The following AGBL4 variants were observed in gnomAD, a reference collection of about 807,000 sequenced individuals.
AGBL4 encodes AGBL carboxypeptidase 4.
In AGBL4, 58 loss-of-function variants were observed where a neutral mutation model predicts 66.4. The observed-to-expected ratio is 0.87, with a 90% CI of 0.71 to 1.09. AGBL4 has a LOEUF of 1.09. Ranked by LOEUF, AGBL4 falls within the 50% of genes least tolerant of loss-of-function variation. AGBL4 has a pLI of 0.00. For synonymous variants in AGBL4, 234 were observed against 222.9 expected (o/e 1.05, Z -0.44); for missense variants, 579 against 631.0 (o/e 0.92, Z 0.88).
intron 1 of AGBL4, among the ~76,000 whole-genome samples, chr1:50,018,368 AT>A (rs1662151098): frequency 6.6e-6 from 1 of 152,182 alleles, no homozygotes; most frequent in African/African-American, 2.4e-5. Flanking sequence ...AGATTAGCAT[AT>A]TCCAATATGG....
At chr1:49,134,474 G>GCC (rs1557669378) in intron 4 of AGBL4, among the ~76,000 whole-genome samples, 1 of 16,952 alleles carries the variant, frequency 5.9e-5, no homozygotes, top group African/African-American at 3.0e-4. Context: ...CATTTTGGAG[G>GCC]GCCCCCCCCC....
At chr1:49,305,467 C>G (rs1047324611) in intron 3 of AGBL4, among the ~76,000 whole-genome samples, 1 of 152,090 alleles carries the variant, frequency 6.6e-6, no homozygotes, top group Non-Finnish European at 1.5e-5. Context: ...ACTGTATTTT[C>G]TATCCATGTT....
intron 4 of AGBL4, among the ~76,000 whole-genome samples, chr1:49,152,506 C>A (rs912239824): frequency 6.6e-6 from 1 of 152,158 alleles, no homozygotes; most frequent in African/African-American, 2.4e-5. Flanking sequence ...GGAAAGATGA[C>A]CCTGTGAGTT....
At chr1:49,441,417 T>C (rs1646026913) in intron 3 of AGBL4, among the ~76,000 whole-genome samples, 1 of 152,138 alleles carries the variant, frequency 6.6e-6, no homozygotes, top group Admixed American at 6.5e-5. Flanking sequence ...TTAGCTGAAA[T>C]AGGGATTAAA....
intron 3 of AGBL4, among the ~76,000 whole-genome samples, chr1:49,661,258 A>C (rs1440489404): frequency 6.6e-6 from 1 of 152,162 alleles, no homozygotes; most frequent in Non-Finnish European, 1.5e-5. Flanking sequence ...ACACCTATCA[A>C]ACTATCTCAA....
chr1:49,861,498 C>A (rs771888879), intron 1 of AGBL4, among the ~76,000 whole-genome samples: 14 of 152,068 alleles, frequency 9.2e-5, no homozygotes, highest in Non-Finnish European at 1.3e-4. Context: ...GGCCCTAGCA[C>A]CCAGATGACA....
chr1:48,912,661 T>C (rs1233106961), intron 5 of AGBL4, among the ~76,000 whole-genome samples: 2 of 152,150 alleles, frequency 1.3e-5, no homozygotes, highest in African/African-American at 2.4e-5. Context: ...CATAAGGTGG[T>C]TTCCTGTCCA....
At chr1:48,956,693 T>C (rs1190171914) in intron 5 of AGBL4, among the ~76,000 whole-genome samples, 2 of 152,174 alleles carry the variant, frequency 1.3e-5, no homozygotes, top group African/African-American at 4.8e-5. Context: ...AACTCTGATT[T>C]AGGCTCTGAT....
chr1:49,011,639 C>G (rs1194782272), intron 5 of AGBL4, among the ~76,000 whole-genome samples: 2 of 152,020 alleles, frequency 1.3e-5, no homozygotes, highest in Non-Finnish European at 2.9e-5. Context: ...CCCAAATGTC[C>G]AACAATGATA....
At chr1:48,834,765 G>C (rs1646637563) in intron 6 of AGBL4, among the ~76,000 whole-genome samples, 1 of 152,136 alleles carries the variant, frequency 6.6e-6, no homozygotes, top group South Asian at 2.1e-4. Context: ...CAAAGAGTTA[G>C]GAAACTTCTC....
chr1:49,943,321 T>C (rs1418151970), intron 1 of AGBL4, among the ~76,000 whole-genome samples: 1 of 152,128 alleles, frequency 6.6e-6, no homozygotes, highest in Non-Finnish European at 1.5e-5. Flanking sequence ...CAGAGCAGCA[T>C]GTGAAGTACT....
chr1:49,379,005 A>G (rs1644531805), intron 3 of AGBL4, among the ~76,000 whole-genome samples: 1 of 152,042 alleles, frequency 6.6e-6, no homozygotes, highest in South Asian at 2.1e-4. Flanking sequence ...CCATATATCA[A>G]ACTGGAAGAG....
intron 4 of AGBL4, among the ~76,000 whole-genome samples, chr1:49,113,574 T>C (rs759647343): frequency 3.2e-4 from 48 of 152,230 alleles, no homozygotes; most frequent in Non-Finnish European, 5.9e-4. Flanking sequence ...TATTGGCATC[T>C]AAAATCGTAA....
chr1:49,875,138 A>T (rs1365481341), intron 1 of AGBL4, among the ~76,000 whole-genome samples: 3 of 124,878 alleles, frequency 2.4e-5, no homozygotes, highest in East Asian at 3.1e-4. Context: ...CTTTTTTTTT[A>T]TTATTACTAT....
At chr1:49,712,778 C>T (rs1051601843) in intron 2 of AGBL4, among the ~76,000 whole-genome samples, 1 of 151,892 alleles carries the variant, frequency 6.6e-6, no homozygotes, top group African/African-American at 2.4e-5. Flanking sequence ...TGAATCTCAG[C>T]TCTACCACTT....
chr1:49,687,207 A>G (rs950671321), intron 3 of AGBL4, among the ~76,000 whole-genome samples: 1 of 152,204 alleles, frequency 6.6e-6, no homozygotes. Flanking sequence ...ATGAACTTAA[A>G]TTGCATGAAA....
intron 3 of AGBL4, among the ~76,000 whole-genome samples, chr1:49,612,464 CAA>C (rs1017762229): frequency 6.6e-6 from 1 of 152,026 alleles, no homozygotes; most frequent in African/African-American, 2.4e-5. Flanking sequence ...TTAAATCTGA[CAA>C]AGATTTTAAT....
At chr1:49,532,225 G>A (rs1030926282) in intron 3 of AGBL4, among the ~76,000 whole-genome samples, 1 of 152,048 alleles carries the variant, frequency 6.6e-6, no homozygotes, top group African/African-American at 2.4e-5. Flanking sequence ...GTTAAACATA[G>A]AATATCAGTA....
intron 1 of AGBL4, among the ~76,000 whole-genome samples, chr1:49,894,361 T>C (rs942121269): frequency 2.6e-5 from 4 of 152,080 alleles, no homozygotes; most frequent in Admixed American, 1.3e-4. Flanking sequence ...AATACGACTC[T>C]ACCAAATGAA....
Sources: allele counts gnomAD v4.1 joint callset (sites outside exome capture counted in the v4.1 genomes callset), GRCh38; gene constraint gnomAD v4.1.1; transcripts MANE v1.5; gene names NCBI Gene and HGNC (gene_info 2026-07-23, HGNC 2026-07-21).